Variants in DOK5 observed in about 807,000 individuals in gnomAD.
The protein encoded by DOK5 is docking protein 5, also known as downstream of tyrosine kinase 5.
In DOK5, 27 loss-of-function variants were observed where a neutral mutation model predicts 43.3. The ratio of observed to expected loss-of-function variants is 0.62; its 90% CI spans 0.46 to 0.86. DOK5 has a LOEUF of 0.86. DOK5 is among the 40% of genes least tolerant of loss of function. The probability of loss-of-function intolerance (pLI) is 0.00; values close to 1 mark genes in which losing one functional copy is unlikely to be tolerated. For synonymous variants in DOK5, 146 were observed against 140.1 expected (o/e 1.04, Z -0.30); for missense variants, 373 against 392.9 (o/e 0.95, Z 0.43).
chr20:54,530,086 C>T (rs1247823027), intron 1 of DOK5, among the ~76,000 whole-genome samples: 5 of 152,184 alleles, frequency 3.3e-5, no homozygotes, highest in African/African-American at 9.7e-5. Flanking sequence ...GTGTCAATTA[C>T]TGAATTTTGG....
At chr20:54,496,100 C>T (rs6098018) in intron 1 of DOK5, among the ~76,000 whole-genome samples, 3,588 of 152,210 alleles carry the variant, frequency 0.024, 152 homozygotes, top group African/African-American at 0.082. Context: ...AGTTTTCAGA[C>T]ACAGATGAAG....
chr20:54,639,390 C>G (rs1978997790), intron 6 of DOK5, among the ~76,000 whole-genome samples: 1 of 152,210 alleles, frequency 6.6e-6, no homozygotes, highest in South Asian at 2.1e-4. Context: ...AAATCAACCT[C>G]CAGTCTAGCT....
At chr20:54,646,611 T>A (rs1265306427) in intron 7 of DOK5, among the ~76,000 whole-genome samples, 2 of 152,188 alleles carry the variant, frequency 1.3e-5, no homozygotes, top group Non-Finnish European at 2.9e-5. Context: ...TTAAAAGATG[T>A]TCACAGAGTA....
intron 1 of DOK5, among the ~76,000 whole-genome samples, chr20:54,485,592 T>C (rs957545075): frequency 6.6e-6 from 1 of 152,240 alleles, no homozygotes; most frequent in Non-Finnish European, 1.5e-5. Flanking sequence ...TTGGCTATCA[T>C]GAATGAAGCT....
chr20:54,642,549 CA>C (rs66463305), intron 6 of DOK5, among the ~76,000 whole-genome samples: 1,770 of 96,364 alleles, frequency 0.018, 22 homozygotes, highest in Non-Finnish European at 0.026. Flanking sequence ...ACTAAAAATA[CA>C]AAAAAAAAAA....
rs534329326 is a variant in DOK5, at chr20:54,648,353, G to A, written c.857-2062G>A. On this transcript the variant is annotated intron_variant, in intron 7 of 7. Transcript: ENST00000262593. ...CACAATCCATAATCAAGCAGACATA[G>A]TTAATTTCAGATTTGGTATATGGAA... Among the ~76,000 whole-genome samples, 22 of 152,232 alleles carry A rather than the reference G, an allele frequency of 1.4e-4. No individual in the cohort carries two copies. The South Asian group carries it at 4.4e-3, about 30-fold the overall frequency.
intron 1 of DOK5, among the ~76,000 whole-genome samples, chr20:54,515,403 TC>T (rs1261631451): frequency 6.6e-6 from 1 of 152,222 alleles, no homozygotes; most frequent in African/African-American, 2.4e-5. Flanking sequence ...AAGATGAAAA[TC>T]TAATTGAAAC....
chr20:54,513,440 T>C (rs1246029130), intron 1 of DOK5, among the ~76,000 whole-genome samples: 2 of 147,782 alleles, frequency 1.4e-5, no homozygotes, highest in Non-Finnish European at 1.5e-5. Context: ...TTTGTTTGCT[T>C]GTTTGCTTTA....
In DOK5 at chr20:54,571,059, TTCTTAATTG is replaced by T. The variant is rs1229358569; in HGVS notation, c.174+16020_174+16028del. On this transcript the variant is annotated intron_variant, in intron 2 of 7. Coordinates refer to ENST00000262593, the MANE Select transcript of DOK5 (RefSeq NM_018431.5). Reference sequence around the variant, plus strand: ...TAATTTGGCAGTCCATTTTTGGAAATTCTTAATTGGATGGCATAAAGATTTATCTGTAAT... The same window carrying T: ...TAATTTGGCAGTCCATTTTTGGAAATGATGGCATAAAGATTTATCTGTAAT... 2.0e-5 allele frequency among the ~76,000 whole-genome samples: 3 copies of T among 152,326 alleles called. No individual in the cohort carries two copies. In the East Asian group the frequency reaches 5.8e-4, roughly 29 times the overall value.
chr20:54,564,219 C>G (rs1444573872), intron 2 of DOK5, among the ~76,000 whole-genome samples: 1 of 151,998 alleles, frequency 6.6e-6, no homozygotes, highest in Non-Finnish European at 1.5e-5. Flanking sequence ...GTCAGGAGAT[C>G]AAGACAATCC....
At chr20:54,611,676 C>T (rs1294626276) in intron 6 of DOK5, among the ~76,000 whole-genome samples, 3 of 152,114 alleles carry the variant, frequency 2.0e-5, no homozygotes, top group South Asian at 2.1e-4. Context: ...GCACATCATG[C>T]GTTGTGGCTG....
At chr20:54,490,044 G>T (rs148593200) in intron 1 of DOK5, among the ~76,000 whole-genome samples, 11 of 152,286 alleles carry the variant, frequency 7.2e-5, no homozygotes, top group African/African-American at 2.6e-4. Context: ...TCCCTAACTT[G>T]TGGCTGAGTT....
At chr20:54,487,438 C>A (rs781545572) in intron 1 of DOK5, among the ~76,000 whole-genome samples, 20 of 151,950 alleles carry the variant, frequency 1.3e-4, no homozygotes, top group Non-Finnish European at 1.6e-4. Context: ...TTAAATAAAG[C>A]TTATTTATTT....
At chr20:54,577,388 C>T (rs141810928) in intron 2 of DOK5, among the ~76,000 whole-genome samples, 20 of 152,140 alleles carry the variant, frequency 1.3e-4, no homozygotes, top group East Asian at 9.7e-4. Context: ...ATACTAGCTC[C>T]GCATCCATAT....
intron 2 of DOK5, among the ~76,000 whole-genome samples, chr20:54,561,937 G>A (rs1009305367): frequency 4.1e-4 from 63 of 152,180 alleles, no homozygotes; most frequent in African/African-American, 1.3e-3. Flanking sequence ...GATTACAGGC[G>A]CGAGCCACTG....
Position 54,543,351 on chromosome 20 carries a change from T to C in DOK5, c.67-11582T>C, listed in dbSNP as rs1052683881. ...GGGGGGTGGGGTGGGTGGGATTCAGTTGAACCTCTACTAGACAGGACATAA... is the reference window on the plus strand; with the variant it reads ...GGGGGGTGGGGTGGGTGGGATTCAGCTGAACCTCTACTAGACAGGACATAA... On this transcript the variant is annotated intron_variant, in intron 1 of 7. Coordinates refer to ENST00000262593, the MANE Select transcript of DOK5 (RefSeq NM_018431.5). Among the ~76,000 whole-genome samples, 12 of 152,038 alleles carry C rather than the reference T, an allele frequency of 7.9e-5. No homozygotes were observed. In the East Asian group the frequency reaches 9.6e-4, roughly 12 times the overall value.
At chr20:54,580,625 C>G (rs60825713) in intron 2 of DOK5, among the ~76,000 whole-genome samples, 21,651 of 152,098 alleles carry the variant, frequency 0.14, 1,915 homozygotes, top group African/African-American at 0.24. Context: ...TGTTGAGAAT[C>G]TTCTGATATA....
intron 1 of DOK5, among the ~76,000 whole-genome samples, chr20:54,543,559 G>T (rs563722378): frequency 2.3e-4 from 35 of 151,588 alleles, no homozygotes; most frequent in African/African-American, 7.8e-4. Context: ...GTGTGTGTGT[G>T]TGTGTGTGTG....
At chr20:54,488,408 A>G (rs929828470) in intron 1 of DOK5, among the ~76,000 whole-genome samples, 2 of 152,180 alleles carry the variant, frequency 1.3e-5, no homozygotes, top group African/African-American at 4.8e-5. Context: ...TGCCTTGACT[A>G]CAACATTTAA....
Sources: gnomAD v4.1 joint callset for allele counts (sites outside exome capture counted in the v4.1 genomes callset) on GRCh38, gnomAD v4.1.1 for gene constraint, MANE v1.5 for transcripts, NCBI Gene and HGNC (gene_info 2026-07-23, HGNC 2026-07-21) for gene names.